Variants in KLHL2 observed in about 807,000 individuals in gnomAD.
The protein encoded by KLHL2 is kelch like family member 2.
Under a neutral mutation model 75.8 loss-of-function variants are expected in KLHL2, and 15 were observed. The ratio of observed to expected loss-of-function variants is 0.20; its 90% CI spans 0.13 to 0.30. The LOEUF is 0.30. KLHL2 is among the 10% of genes least tolerant of loss of function. The pLI, the probability that KLHL2 is intolerant of heterozygous loss-of-function variation, is 1.00. For missense variants in KLHL2, 381 were observed against 741.0 expected, an observed-to-expected ratio of 0.51 and a Z score of 5.64; for synonymous variants, 214 against 251.9, an observed-to-expected ratio of 0.85 and a Z score of 1.42.
intron 2 of KLHL2, among the ~76,000 whole-genome samples, chr4:165,221,367 A>G (rs934993392): frequency 2.0e-5 from 3 of 152,192 alleles, no homozygotes; most frequent in African/African-American, 7.2e-5. Context: ...ATCTAGAAGG[A>G]AAAGAAGATA....
chr4:165,297,987 TA>T (rs1360254929), intron 7 of KLHL2, among the ~76,000 whole-genome samples: 1 of 152,150 alleles, frequency 6.6e-6, no homozygotes, highest in Admixed American at 6.5e-5. Context: ...CAACCCCAGC[TA>T]ATTTTTGTAT....
Position 165,322,643 on chromosome 4 carries a change from C to G in KLHL2, c.*583C>G, listed in dbSNP as rs1266673166. On this transcript the variant is annotated 3_prime_UTR_variant, in exon 15 of 15. Coordinates refer to ENST00000226725, the MANE Select transcript of KLHL2 (RefSeq NM_007246.4). ...AAAAGATGTTTGAAACTTGATTATA[C>G]TATTTATAATTGGCACAGTACTTTG... The G allele has an allele frequency of 6.6e-6, 1 of 152,586 alleles. No individual in the cohort carries two copies. Among genetic ancestry groups the G allele is most frequent in the Non-Finnish European group, 1.5e-5 (1 of 68,092 alleles). The allele number at this position is 152,586 out of a possible 1,614,324, so 9.5% of individuals were successfully genotyped here.
At chr4:165,289,034 C>T (rs1744306293) in intron 5 of KLHL2, among the ~76,000 whole-genome samples, 1 of 152,118 alleles carries the variant, frequency 6.6e-6, no homozygotes, top group African/African-American at 2.4e-5. Context: ...TCTTGCCTTT[C>T]TTCCTATAGA....
At chr4:165,289,022 C>T (rs539014597) in intron 5 of KLHL2, among the ~76,000 whole-genome samples, 3 of 152,202 alleles carry the variant, frequency 2.0e-5, no homozygotes, top group African/African-American at 7.2e-5. Context: ...CTGCACTAGG[C>T]TTCTTGCCTT....
intron 5 of KLHL2, among the ~76,000 whole-genome samples, chr4:165,291,463 T>C (rs560147889): frequency 6.6e-6 from 1 of 152,344 alleles, no homozygotes; most frequent in Admixed American, 6.5e-5. Context: ...AATTTTGTGT[T>C]TTACATTTAA....
At chr4:165,262,071 G>T (rs1390207922) in intron 4 of KLHL2, among the ~76,000 whole-genome samples, 3 of 151,854 alleles carry the variant, frequency 2.0e-5, no homozygotes, top group Non-Finnish European at 4.4e-5. Context: ...TTCAAATATG[G>T]TCCTTTATAT....
chr4:165,317,595 C>G (rs934987487), intron 13 of KLHL2, among the ~76,000 whole-genome samples: 8 of 152,150 alleles, frequency 5.3e-5, no homozygotes, highest in African/African-American at 1.9e-4. Context: ...GAACTCCTGA[C>G]TTCAAGTGAT....
chr4:165,297,286 G>T (rs1017294776), intron 6 of KLHL2, among the ~76,000 whole-genome samples: 1 of 151,684 alleles, frequency 6.6e-6, no homozygotes, highest in Non-Finnish European at 1.5e-5. Flanking sequence ...ACAAACCTTC[G>T]ATTTATGTGT....
chr4:165,251,228 C>A (rs1740677134), intron 4 of KLHL2, among the ~76,000 whole-genome samples: 1 of 151,570 alleles, frequency 6.6e-6, no homozygotes, highest in East Asian at 1.9e-4. Flanking sequence ...ATGAATTTAT[C>A]TGACATTCTA....
intron 5 of KLHL2, among the ~76,000 whole-genome samples, chr4:165,284,887 G>T (rs920741645): frequency 1.3e-5 from 2 of 152,220 alleles, no homozygotes; most frequent in Non-Finnish European, 1.5e-5. Context: ...ATCCTACATG[G>T]ATGGCAGCAG....
chr4:165,232,904 T>C (rs111931973), intron 3 of KLHL2, among the ~76,000 whole-genome samples: 1 of 137,668 alleles, frequency 7.3e-6, no homozygotes, highest in African/African-American at 2.8e-5. Flanking sequence ...TTTTTTTTTT[T>C]GGTAAAAATT....
chr4:165,321,650 ATATT>A (rs1405444058), intron 14 of KLHL2, among the ~76,000 whole-genome samples: 1 of 152,198 alleles, frequency 6.6e-6, no homozygotes, highest in Non-Finnish European at 1.5e-5. Flanking sequence ...GGTCAACTGT[ATATT>A]TAAACTATAT....
intron 2 of KLHL2, among the ~76,000 whole-genome samples, chr4:165,224,492 A>C (rs1367780433): frequency 3.3e-5 from 5 of 152,210 alleles, no homozygotes; most frequent in South Asian, 4.1e-4. Context: ...ATTCCAGAAG[A>C]TATTTAAGCA....
At chr4:165,256,780 C>G (rs556717782) in intron 4 of KLHL2, among the ~76,000 whole-genome samples, 1 of 152,146 alleles carries the variant, frequency 6.6e-6, no homozygotes, top group Non-Finnish European at 1.5e-5. Context: ...ATGTTCATAT[C>G]ACACCTAACC....
At position 165,225,582 on chromosome 4, in the gene KLHL2, G is replaced by T. The variant is rs142826739; in HGVS notation, c.153-3225G>T. 7.8e-4 allele frequency among the ~76,000 whole-genome samples: 119 copies of T among 152,246 alleles called. 1 individual carries two copies. In the East Asian group the frequency reaches 0.011, roughly 14 times the overall value. On this transcript the variant is annotated intron_variant, in intron 2 of 14. Transcript: ENST00000226725. ...AGACTTTGCATATGGGCTGCTAAAAGAAGTTTTTCTTATTTTTAGTGCCAG... is the reference window on the plus strand; with the variant it reads ...AGACTTTGCATATGGGCTGCTAAAATAAGTTTTTCTTATTTTTAGTGCCAG...
At chr4:165,318,043 T>G (rs113832419) in intron 14 of KLHL2, 74 bp downstream of exon 14, 1 of 1,379,374 alleles carries the variant, frequency 7.2e-7, no homozygotes. Flanking sequence ...AACGAAGTTT[T>G]TCTGTTATAA....
chr4:165,309,865 G>T (rs146120078), intron 9 of KLHL2, among the ~76,000 whole-genome samples: 5 of 152,120 alleles, frequency 3.3e-5, no homozygotes, highest in African/African-American at 4.8e-5. Context: ...AATTATAAGC[G>T]TATGGAGTTT....
At chr4:165,252,074 T>C (rs1435763375) in intron 4 of KLHL2, among the ~76,000 whole-genome samples, 1 of 152,210 alleles carries the variant, frequency 6.6e-6, no homozygotes, top group East Asian at 1.9e-4. Context: ...TTTCATGTGG[T>C]ACATAAAAGG....
chr4:165,317,767 G>A (rs1746692293), intron 13 of KLHL2, 59 bp from the exon 14 acceptor site: 1 of 1,317,730 alleles, frequency 7.6e-7, no homozygotes, highest in African/African-American at 1.5e-5. Context: ...CATGTACAGT[G>A]ATACTCATAT....
Sources: allele counts gnomAD v4.1 joint callset (sites outside exome capture counted in the v4.1 genomes callset), GRCh38; gene constraint gnomAD v4.1.1; transcripts MANE v1.5; gene names NCBI Gene and HGNC (gene_info 2026-07-23, HGNC 2026-07-21).